SV2C: variants seen among roughly 807,000 people sequenced by gnomAD.
The protein encoded by SV2C is synaptic vesicle glycoprotein 2C.
A neutral mutation model predicts 79.7 loss-of-function variants in SV2C; 49 were observed. The ratio of observed to expected loss-of-function variants is 0.61; its 90% CI spans 0.49 to 0.78. The LOEUF is 0.78. Among genes scored for constraint, SV2C ranks in the 30% least tolerant of loss-of-function variants. SV2C has a pLI of 0.00. For synonymous variants in SV2C, 334 were observed against 333.2 expected, an observed-to-expected ratio of 1.00 and a Z score of -0.03; for missense variants, 833 against 912.9, an observed-to-expected ratio of 0.91 and a Z score of 1.13.
At chr5:76,188,131 C>T (rs768695925) in intron 2 of SV2C, among the ~76,000 whole-genome samples, 6 of 152,002 alleles carry the variant, frequency 3.9e-5, no homozygotes, top group East Asian at 1.9e-4. Context: ...CATGGTGGCA[C>T]GCACCTGTAG....
chr5:75,862,463 C>T, the SV2C span, among the ~76,000 whole-genome samples: 8 of 152,180 alleles, frequency 5.3e-5, no homozygotes, highest in African/African-American at 1.9e-4. Flanking sequence ...AGAAAAAATA[C>T]ATCTAATTTA....
At chr5:75,966,691 G>A in the SV2C span, among the ~76,000 whole-genome samples, 1 of 152,186 alleles carries the variant, frequency 6.6e-6, no homozygotes, top group African/African-American at 2.4e-5. Flanking sequence ...CAGCCTATGG[G>A]TTAGCCCTGT....
chr5:76,262,923 G>A (rs1471590195), intron 4 of SV2C, among the ~76,000 whole-genome samples: 2 of 152,198 alleles, frequency 1.3e-5, no homozygotes, highest in Non-Finnish European at 2.9e-5. Context: ...TTGGGGTGGA[G>A]AGTTCTGTAG....
At chr5:76,119,104 C>T (rs568989606) in intron 1 of SV2C, among the ~76,000 whole-genome samples, 5 of 152,302 alleles carry the variant, frequency 3.3e-5, no homozygotes, top group Admixed American at 3.3e-4. Flanking sequence ...GTGATATAAA[C>T]AGCCTACATG....
At position 76,234,517 on chromosome 5, in the gene SV2C, G is replaced by A. The variant is rs371793499; in HGVS notation, c.913+24630G>A. Among the ~76,000 whole-genome samples the A allele has an allele frequency of 3.9e-5, 6 of 152,274 alleles. No homozygotes were observed. In the East Asian group the frequency reaches 7.7e-4, roughly 20 times the overall value. ...AAATGCTTTATGTCTTTGGTACTGT[G>A]ATTCCAGAATTGGAGGAATCCAAAG... On this transcript the variant is annotated intron_variant, in intron 4 of 12. Coordinates refer to ENST00000502798, the MANE Select transcript of SV2C (RefSeq NM_014979.4).
chr5:76,254,325 A>G (rs1189599736), intron 4 of SV2C, among the ~76,000 whole-genome samples: 3 of 152,098 alleles, frequency 2.0e-5, no homozygotes, highest in Admixed American at 6.6e-5. Context: ...CAGCCAGCCA[A>G]TGTGGCATAA....
At position 76,141,823 on chromosome 5, in the gene SV2C, CAAAAA is replaced by C. The variant is rs11313342; in HGVS notation, c.580+9511_580+9515del. ...TGGGTGACAGAGCAAAAGTCCATCTCAAAAAAAAAAAAAAAAAAAAAAGTAAAATT... is the reference window on the plus strand; with the variant it reads ...TGGGTGACAGAGCAAAAGTCCATCTCAAAAAAAAAAAAAAAAAGTAAAATT... On this transcript the variant is annotated intron_variant, in intron 2 of 12. Transcript: ENST00000502798. 2.0e-3 allele frequency among the ~76,000 whole-genome samples: 148 copies of C among 72,456 alleles called. 1 individual carries two copies. The highest frequency in any genetic ancestry group is 7.9e-3 in the African/African-American group (143 of 18,068). 47.5% of individuals were successfully genotyped at this position (72,456 alleles called of 152,430 possible).
the SV2C span, among the ~76,000 whole-genome samples, chr5:75,926,297 A>G: frequency 6.6e-6 from 1 of 152,186 alleles, no homozygotes; most frequent in African/African-American, 2.4e-5. Flanking sequence ...TTTCAGAGTT[A>G]TTTCAGTTCA....
At chr5:75,958,099 A>G in the SV2C span, among the ~76,000 whole-genome samples, 1 of 151,990 alleles carries the variant, frequency 6.6e-6, no homozygotes, top group South Asian at 2.1e-4. Context: ...GAATCTCTGG[A>G]AAGCCTCAAT....
At chr5:76,283,580 A>C (rs1405396268) in intron 4 of SV2C, among the ~76,000 whole-genome samples, 1 of 152,198 alleles carries the variant, frequency 6.6e-6, no homozygotes, top group Non-Finnish European at 1.5e-5. Context: ...CTGATCCATC[A>C]TAGGGTTTTT....
the SV2C span, among the ~76,000 whole-genome samples, chr5:76,057,550 A>G: frequency 6.6e-6 from 1 of 152,146 alleles, no homozygotes; most frequent in Non-Finnish European, 1.5e-5. Flanking sequence ...GCTTTATAAT[A>G]TAACTGAAGC....
intron 4 of SV2C, among the ~76,000 whole-genome samples, chr5:76,239,011 T>C (rs796215461): frequency 2.0e-5 from 3 of 152,284 alleles, no homozygotes; most frequent in African/African-American, 7.2e-5. Flanking sequence ...TCAGCCTGTG[T>C]CTCACTCCTA....
chr5:75,933,217 T>C, the SV2C span, among the ~76,000 whole-genome samples: 1 of 152,166 alleles, frequency 6.6e-6, no homozygotes, highest in Non-Finnish European at 1.5e-5. Flanking sequence ...AGAGTATAAA[T>C]AAGAATCTTT....
intron 12 of SV2C, among the ~76,000 whole-genome samples, chr5:76,352,743 CT>C (rs1450036230): frequency 2.0e-5 from 3 of 152,146 alleles, no homozygotes; most frequent in African/African-American, 7.2e-5. Flanking sequence ...TCCAAATTCT[CT>C]TTTGGTCTTT....
chr5:76,210,433 C>T (rs1023714538), intron 4 of SV2C, among the ~76,000 whole-genome samples: 4 of 152,170 alleles, frequency 2.6e-5, no homozygotes. Context: ...AACTCTCATT[C>T]ACCAGTTTAT....
the SV2C span, among the ~76,000 whole-genome samples, chr5:75,864,171 G>A: frequency 3.5e-3 from 537 of 151,974 alleles, 2 homozygotes; most frequent in African/African-American, 0.012. Context: ...AGGGCAAAAA[G>A]TTCTTTTTTT....
chr5:76,072,730 T>C, the SV2C span, among the ~76,000 whole-genome samples: 1 of 152,254 alleles, frequency 6.6e-6, no homozygotes, highest in Non-Finnish European at 1.5e-5. Flanking sequence ...ACCAATGGTA[T>C]AAAAGTGTTC....
At chr5:76,124,146 T>G (rs1047183111) in intron 1 of SV2C, among the ~76,000 whole-genome samples, 2 of 152,200 alleles carry the variant, frequency 1.3e-5, no homozygotes, top group Non-Finnish European at 2.9e-5. Flanking sequence ...CATTTTTAAA[T>G]GTACAGTCAG....
intron 3 of SV2C, among the ~76,000 whole-genome samples, chr5:76,199,022 C>T (rs900789214): frequency 6.6e-6 from 1 of 152,186 alleles, no homozygotes; most frequent in African/African-American, 2.4e-5. Context: ...ACAATAATAA[C>T]ATTGGAATAA....
Sources: allele counts gnomAD v4.1 joint callset (sites outside exome capture counted in the v4.1 genomes callset), GRCh38; gene constraint gnomAD v4.1.1; transcripts MANE v1.5; gene names NCBI Gene and HGNC (gene_info 2026-07-23, HGNC 2026-07-21).